PCDH9: variants seen among roughly 807,000 people sequenced by gnomAD.
PCDH9 encodes the protein protocadherin-9.
Under a neutral mutation model 70.6 loss-of-function variants are expected in PCDH9, and 24 were observed. The ratio of observed to expected loss-of-function variants is 0.34; its 90% confidence interval spans 0.25 to 0.48. The LOEUF is 0.48. Ranked by LOEUF, PCDH9 falls within the 20% of genes least tolerant of loss-of-function variation. PCDH9 has a pLI of 0.99. For synonymous variants in PCDH9, 562 were observed against 558.5 expected, an observed-to-expected ratio of 1.01 and a Z score of -0.09; for missense variants, 1,281 against 1,503.6, an observed-to-expected ratio of 0.85 and a Z score of 2.45.
At chr13:66,618,142 C>G (rs1444883518) in intron 4 of PCDH9, among the ~76,000 whole-genome samples, 1 of 152,114 alleles carries the variant, frequency 6.6e-6, no homozygotes, top group Non-Finnish European at 1.5e-5. Context: ...CTGTTTCCCC[C>G]CTTTATTTTC....
chr13:66,847,599 C>G (rs2081234012), intron 3 of PCDH9, among the ~76,000 whole-genome samples: 1 of 152,126 alleles, frequency 6.6e-6, no homozygotes. Context: ...TTGTTAATTC[C>G]AGAGCTTTCA....
chr13:66,737,011 C>T (rs2079159973), intron 3 of PCDH9, among the ~76,000 whole-genome samples: 2 of 152,226 alleles, frequency 1.3e-5, no homozygotes, highest in Admixed American at 1.3e-4. Flanking sequence ...AGTGTAGCCT[C>T]TATTTTTTCC....
chr13:66,487,603 CATA>C (rs1958965837), intron 4 of PCDH9, among the ~76,000 whole-genome samples: 1 of 151,846 alleles, frequency 6.6e-6, no homozygotes, highest in Admixed American at 6.6e-5. Flanking sequence ...ATTATATGTC[CATA>C]ATATTATATG....
intron 2 of PCDH9, among the ~76,000 whole-genome samples, chr13:67,153,243 C>G (rs1275544961): frequency 6.6e-6 from 1 of 151,968 alleles, no homozygotes; most frequent in Non-Finnish European, 1.5e-5. Flanking sequence ...CTCACTATAG[C>G]CTCAAACTCC....
chr13:66,379,854 T>C (rs1200059451), intron 4 of PCDH9, among the ~76,000 whole-genome samples: 1 of 152,082 alleles, frequency 6.6e-6, no homozygotes, highest in Non-Finnish European at 1.5e-5. Context: ...AAAATACAAC[T>C]ACCTTTGACT....
intron 2 of PCDH9, among the ~76,000 whole-genome samples, chr13:67,085,650 G>GTCAA (rs2086092466): frequency 1.3e-5 from 2 of 152,190 alleles, no homozygotes; most frequent in African/African-American, 4.8e-5. Context: ...GTTATTGAAT[G>GTCAA]TGCTTATTTG....
chr13:66,523,163 C>T (rs2138614281), intron 4 of PCDH9, among the ~76,000 whole-genome samples: 1 of 152,080 alleles, frequency 6.6e-6, no homozygotes, highest in African/African-American at 2.4e-5. Context: ...ATTTGCTCTC[C>T]CTGAATCATT....
At chr13:66,902,317 G>A (rs76095509) in intron 3 of PCDH9, among the ~76,000 whole-genome samples, 4 of 151,582 alleles carry the variant, frequency 2.6e-5, no homozygotes, top group East Asian at 1.9e-4. Context: ...AGAGCTGTTC[G>A]AAATATTGCT....
At chr13:67,200,579 A>G (rs930473552) in intron 2 of PCDH9, among the ~76,000 whole-genome samples, 5 of 152,120 alleles carry the variant, frequency 3.3e-5, no homozygotes, top group African/African-American at 1.2e-4. Context: ...GCCAAAAGTA[A>G]TGTACTGCAA....
chr13:66,972,754 T>C (rs1323247892), intron 2 of PCDH9, among the ~76,000 whole-genome samples: 1 of 152,034 alleles, frequency 6.6e-6, no homozygotes, highest in African/African-American at 2.4e-5. Flanking sequence ...TCGTCTCCAT[T>C]ACATTGATAC....
At chr13:66,515,896 G>C (rs1959709724) in intron 4 of PCDH9, among the ~76,000 whole-genome samples, 1 of 151,956 alleles carries the variant, frequency 6.6e-6, no homozygotes. Context: ...GAGAATATGA[G>C]ATCACCACCT....
chr13:66,529,790 G>C (rs866035632), intron 4 of PCDH9, among the ~76,000 whole-genome samples: 1 of 151,076 alleles, frequency 6.6e-6, no homozygotes, highest in Non-Finnish European at 1.5e-5. Flanking sequence ...CAGAATAAAG[G>C]TATAAAGCAA....
chr13:66,337,598 A>ACAAACAAAC (rs1956057853), intron 4 of PCDH9, among the ~76,000 whole-genome samples: 1 of 151,134 alleles, frequency 6.6e-6, no homozygotes, highest in East Asian at 1.9e-4. Context: ...GGTACTTGTT[A>ACAAACAAAC]AAACAAACAA....
At chr13:66,761,757 T>A (rs2079631457) in intron 3 of PCDH9, among the ~76,000 whole-genome samples, 1 of 152,204 alleles carries the variant, frequency 6.6e-6, no homozygotes, top group Non-Finnish European at 1.5e-5. Flanking sequence ...CTAGTTCGGA[T>A]AACATTGTTT....
chr13:66,554,074 T>C (rs529944376), intron 4 of PCDH9, among the ~76,000 whole-genome samples: 1 of 152,262 alleles, frequency 6.6e-6, no homozygotes, highest in South Asian at 2.1e-4. Flanking sequence ...AAAGAAATGG[T>C]TAGTCCAAAA....
intron 3 of PCDH9, among the ~76,000 whole-genome samples, chr13:66,876,396 T>TA (rs143496962): frequency 1.4e-3 from 216 of 151,206 alleles, no homozygotes; most frequent in Middle Eastern, 6.8e-3. Context: ...AGGAGTAAGG[T>TA]AAAAAAAAAT....
intron 2 of PCDH9, among the ~76,000 whole-genome samples, chr13:67,143,818 A>G (rs2087455842): frequency 2.6e-5 from 4 of 152,140 alleles, no homozygotes. Flanking sequence ...TTGAAACTCT[A>G]TGTTAAATTC....
At chr13:66,837,654 C>T (rs1170749543) in intron 3 of PCDH9, among the ~76,000 whole-genome samples, 4 of 152,146 alleles carry the variant, frequency 2.6e-5, no homozygotes, top group Admixed American at 6.5e-5. Flanking sequence ...TCTTTCTGTT[C>T]TTATTTCCAA....
chr13:66,556,688 A>T (rs1961754486), intron 4 of PCDH9, among the ~76,000 whole-genome samples: 1 of 152,180 alleles, frequency 6.6e-6, no homozygotes, highest in Non-Finnish European at 1.5e-5. Flanking sequence ...AATCATAAAA[A>T]TTTTTAAAGT....
Sources: gnomAD v4.1 joint callset for allele counts (sites outside exome capture counted in the v4.1 genomes callset) on GRCh38, gnomAD v4.1.1 for gene constraint, MANE v1.5 for transcripts, NCBI Gene and HGNC (gene_info 2026-07-23, HGNC 2026-07-21) for gene names.